Variants in EFCAB11 observed in about 807,000 individuals in gnomAD.
EFCAB11 encodes the protein EF-hand calcium binding domain 11, also known as EF-hand calcium-binding domain-containing protein 11.
A neutral mutation model predicts 23.0 loss-of-function variants in EFCAB11; 14 were observed. That is an observed-to-expected ratio of 0.61 (90% CI 0.40 to 0.95). The LOEUF is 0.95. Among genes scored for constraint, EFCAB11 ranks in the 40% least tolerant of loss-of-function variants. The probability of loss-of-function intolerance (pLI) is 0.00; values close to 1 mark genes in which losing one functional copy is unlikely to be tolerated. For missense variants in EFCAB11, 198 were observed against 195.8 expected (o/e 1.01, Z -0.07); for synonymous variants, 65 against 66.6 (o/e 0.98, Z 0.11).
At chr14:89,894,138 G>A (rs577445690) in intron 5 of EFCAB11, among the ~76,000 whole-genome samples, 3 of 152,186 alleles carry the variant, frequency 2.0e-5, no homozygotes, top group South Asian at 2.1e-4. Flanking sequence ...TTTTAGTAGA[G>A]ATGGGGTTTC....
chr14:89,823,842 A>C (rs1886602968), intron 5 of EFCAB11, among the ~76,000 whole-genome samples: 1 of 152,228 alleles, frequency 6.6e-6, no homozygotes, highest in African/African-American at 2.4e-5. Flanking sequence ...TTGCAGAAGA[A>C]AACTTCTGTG....
intron 5 of EFCAB11, chr14:89,924,412 T>G: frequency 7.6e-7 from 1 of 1,317,886 alleles, no homozygotes; most frequent in Non-Finnish European, 9.7e-7. Flanking sequence ...ATGGACCTTA[T>G]GCACATTCAC....
chr14:89,802,681 C>A lies in EFCAB11; in HGVS notation c.411-5357G>T, dbSNP rs540147327. ...GTGCTGGGATTATAGGCGTGAGCCACTGCGGTCGGACCCATAATTGCAATT... is the reference window on the plus strand; with the variant it reads ...GTGCTGGGATTATAGGCGTGAGCCAATGCGGTCGGACCCATAATTGCAATT... On this transcript the variant is annotated intron_variant, in intron 5 of 5. Transcript: ENST00000316738. 9.8e-4 allele frequency among the ~76,000 whole-genome samples: 150 copies of A among 152,332 alleles called. 1 individual carries two copies. The highest frequency in any genetic ancestry group is 2.0e-3 in the Non-Finnish European group (137 of 68,034).
intron 5 of EFCAB11, chr14:89,836,798 C>G: frequency 2.5e-6 from 1 of 398,422 alleles, no homozygotes; most frequent in South Asian, 1.9e-5. Context: ...GTGGGCAGAT[C>G]ACTTGAGGCT....
chr14:89,871,469 G>A (rs750137459), intron 5 of EFCAB11, among the ~76,000 whole-genome samples: 3 of 152,130 alleles, frequency 2.0e-5, no homozygotes, highest in Non-Finnish European at 2.9e-5. Flanking sequence ...CTTCCTGCCT[G>A]GAGGAGAGGT....
At chr14:89,874,961 C>T (rs1888389732) in intron 5 of EFCAB11, among the ~76,000 whole-genome samples, 1 of 152,088 alleles carries the variant, frequency 6.6e-6, no homozygotes, top group Non-Finnish European at 1.5e-5. Flanking sequence ...ACCAGATACC[C>T]TAAATCATCT....
At chr14:89,891,280 T>C (rs998504798) in intron 5 of EFCAB11, among the ~76,000 whole-genome samples, 4 of 152,184 alleles carry the variant, frequency 2.6e-5, no homozygotes, top group East Asian at 1.9e-4. Context: ...CAGACATAAA[T>C]AGACTTCAAC....
chr14:89,812,670 C>T (rs1001394180), intron 5 of EFCAB11, among the ~76,000 whole-genome samples: 1 of 152,114 alleles, frequency 6.6e-6, no homozygotes, highest in Non-Finnish European at 1.5e-5. Flanking sequence ...GTGATAAAGG[C>T]ATTATATATA....
rs1885597891 is a variant in EFCAB11 at position 89,797,062 on chromosome 14, T to A, written c.*181A>T. 1 of 364,860 alleles carries A rather than the reference T, an allele frequency of 2.7e-6. No homozygotes were observed. The allele number at this position is 364,860 out of a possible 1,614,324, so 22.6% of individuals were successfully genotyped here. On this transcript the variant is annotated 3_prime_UTR_variant, in exon 6 of 6. Transcript: ENST00000316738. ...CTTATTGCATGCCTGTGCCAAAATA[T>A]CTCCCGTAACCCATATATGTGTGTG... is the stretch of plus-strand genomic sequence containing the variant.
chr14:89,890,393 G>C (rs1720605176), intron 5 of EFCAB11, among the ~76,000 whole-genome samples: 1 of 152,146 alleles, frequency 6.6e-6, no homozygotes, highest in Admixed American at 6.5e-5. Context: ...AAGCTAAAAT[G>C]CCAGAATTAC....
intron 5 of EFCAB11, among the ~76,000 whole-genome samples, chr14:89,916,493 C>T (rs1373432736): frequency 1.3e-5 from 2 of 152,164 alleles, no homozygotes; most frequent in African/African-American, 2.4e-5. Flanking sequence ...GTTAAAGCCT[C>T]CAAGTCTAAA....
At chr14:89,818,452 G>C (rs541530972) in intron 5 of EFCAB11, among the ~76,000 whole-genome samples, 26 of 152,142 alleles carry the variant, frequency 1.7e-4, no homozygotes, top group African/African-American at 6.3e-4. Context: ...GTAGGGAGAA[G>C]AAGGGAAGGA....
chr14:89,831,497 T>C (rs1886882603), intron 5 of EFCAB11, among the ~76,000 whole-genome samples: 1 of 152,240 alleles, frequency 6.6e-6, no homozygotes, highest in African/African-American at 2.4e-5. Context: ...TGAAATGTTG[T>C]CTATATAAAA....
chr14:89,865,664 G>A (rs944144252), intron 5 of EFCAB11, among the ~76,000 whole-genome samples: 2 of 151,698 alleles, frequency 1.3e-5, no homozygotes, highest in Non-Finnish European at 2.9e-5. Context: ...ACCATGTCTG[G>A]CTTGTGTTTA....
chr14:89,842,357 G>A lies in EFCAB11; in HGVS notation c.411-45033C>T, dbSNP rs150171894. Among the ~76,000 whole-genome samples, 39 of 152,348 alleles carry A rather than the reference G, an allele frequency of 2.6e-4. No individual in the cohort carries two copies. In the East Asian group the frequency reaches 5.6e-3, roughly 22 times the overall value. ...TAATCCCAGCACTTTGGGAGGCCGAGGCAGGTGGATCACCTGAGTTCAGGA... is the reference window on the plus strand; with the variant it reads ...TAATCCCAGCACTTTGGGAGGCCGAAGCAGGTGGATCACCTGAGTTCAGGA... On this transcript the variant is annotated intron_variant, in intron 5 of 5. Coordinates refer to ENST00000316738, the MANE Select transcript of EFCAB11 (RefSeq NM_145231.4).
intron 5 of EFCAB11, among the ~76,000 whole-genome samples, chr14:89,826,813 C>A (rs1194676833): frequency 6.6e-6 from 1 of 152,098 alleles, no homozygotes; most frequent in Non-Finnish European, 1.5e-5. Flanking sequence ...CACTTGGTCC[C>A]TTAAGTTACT....
chr14:89,853,146 A>C (rs1887645988), intron 5 of EFCAB11, among the ~76,000 whole-genome samples: 2 of 152,234 alleles, frequency 1.3e-5, no homozygotes, highest in African/African-American at 4.8e-5. Context: ...AACTGGCACA[A>C]ATAGGCTTGG....
intron 5 of EFCAB11, among the ~76,000 whole-genome samples, chr14:89,897,685 A>C (rs889013943): frequency 6.6e-6 from 1 of 152,250 alleles, no homozygotes; most frequent in Admixed American, 6.5e-5. Context: ...ACTTAAATAA[A>C]GCAGTCGCAC....
intron 5 of EFCAB11, chr14:89,923,567 A>G (rs1890088147): frequency 1.7e-6 from 1 of 593,900 alleles, no homozygotes; most frequent in Admixed American, 6.3e-5. Flanking sequence ...CCATTCACAC[A>G]GAAGGTATAG....
Sources: gnomAD v4.1 joint callset for allele counts (sites outside exome capture counted in the v4.1 genomes callset) on GRCh38, gnomAD v4.1.1 for gene constraint, MANE v1.5 for transcripts, NCBI Gene and HGNC (gene_info 2026-07-23, HGNC 2026-07-21) for gene names.